ACVR2A: variants seen among roughly 807,000 people sequenced by gnomAD.
The protein encoded by ACVR2A is activin receptor type-2A.
ACVR2A carries 7 observed loss-of-function variants against 61.4 expected under a neutral mutation model. That is an observed-to-expected ratio of 0.11 (90% CI 0.06 to 0.21). ACVR2A has a LOEUF of 0.21. Among genes scored for constraint, ACVR2A ranks in the 10% least tolerant of loss-of-function variants. The probability of loss-of-function intolerance (pLI) is 1.00; values close to 1 mark genes in which losing one functional copy is unlikely to be tolerated. For synonymous variants in ACVR2A, 193 were observed against 208.3 expected (o/e 0.93, Z 0.63); for missense variants, 322 against 621.7 (o/e 0.52, Z 5.13).
In ACVR2A at chr2:147,918,005, T is replaced by C. The variant is rs566754950; in HGVS notation, c.817-442T>C. ...AAGTGGTTCTTTTACTTCTCTTATC[T>C]TGACCTAAAGGACAACAATAATCTA... On this transcript the variant is annotated intron_variant, in intron 6 of 10. Coordinates refer to ENST00000241416, the MANE Select transcript of ACVR2A (RefSeq NM_001616.5). Among the ~76,000 whole-genome samples, 6 of 152,124 alleles carry C rather than the reference T, an allele frequency of 3.9e-5. No individual in the cohort carries two copies. In the South Asian group the frequency reaches 1.0e-3, roughly 26 times the overall value.
intron 1 of ACVR2A, 149 bp downstream of exon 1, chr2:147,845,356 C>CCCCCG: frequency 7.5e-6 from 4 of 534,250 alleles, no homozygotes; most frequent in Admixed American, 3.9e-5. Context: ...CCGCCCCCCC[C>CCCCCG]CCCCGCCCCC....
At chr2:147,886,608 G>T (rs890758597) in intron 1 of ACVR2A, among the ~76,000 whole-genome samples, 2 of 152,156 alleles carry the variant, frequency 1.3e-5, no homozygotes, top group Admixed American at 1.3e-4. Flanking sequence ...ATTGATAATT[G>T]TAAAAGATTT....
rs553012692 is a variant in ACVR2A at position 147,874,527 on chromosome 2, T to C, written c.56-21774T>C. Among the ~76,000 whole-genome samples the C allele has an allele frequency of 2.6e-5, 4 of 152,060 alleles. No homozygotes were observed. In the East Asian group the frequency reaches 7.7e-4, roughly 29 times the overall value. ...CTTGATTATTTCTCAAACTGTGGTGTGAGGACCTCCGGCATTAGAATCACT... is the reference window on the plus strand; with the variant it reads ...CTTGATTATTTCTCAAACTGTGGTGCGAGGACCTCCGGCATTAGAATCACT... On this transcript the variant is annotated intron_variant, in intron 1 of 10. Coordinates refer to ENST00000241416, the MANE Select transcript of ACVR2A (RefSeq NM_001616.5).
At chr2:147,923,761 C>T (rs1007171413) in intron 9 of ACVR2A, among the ~76,000 whole-genome samples, 1 of 152,048 alleles carries the variant, frequency 6.6e-6, no homozygotes, top group African/African-American at 2.4e-5. Context: ...ATAAGGCAAA[C>T]TTGCCGACTG....
intron 1 of ACVR2A, among the ~76,000 whole-genome samples, chr2:147,861,817 G>T (rs991240427): frequency 1.3e-5 from 2 of 152,138 alleles, no homozygotes; most frequent in African/African-American, 4.8e-5. Flanking sequence ...TGGTGTGAAT[G>T]TGTGAGGGGA....
At chr2:147,846,431 C>T (rs1355811433) in intron 1 of ACVR2A, among the ~76,000 whole-genome samples, 1 of 151,446 alleles carries the variant, frequency 6.6e-6, no homozygotes, top group African/African-American at 2.4e-5. Flanking sequence ...CCCCACCCCC[C>T]TTTAAATATA....
chr2:147,899,465 T>A lies in ACVR2A; in HGVS notation c.271T>A (p.Cys91Ser), dbSNP rs1415374116. The A allele has an allele frequency of 6.2e-7, 1 of 1,610,170 alleles. No homozygotes were observed. Reference sequence around the variant, plus strand: ...TTCTCTGCTTATTTATAGGACTGATTGTGTAGAAAAAAAAGACAGCCCTGA... The same window carrying A: ...TTCTCTGCTTATTTATAGGACTGATAGTGTAGAAAAAAAAGACAGCCCTGA... ...DDINCYDRTD[C>S]VEKKDSPEVY... Residue 91 changes from cysteine (C) to serine (S), a missense_variant, in exon 3 of 11, where the codon TGT becomes AGT. By Grantham distance (112) the Cys-to-Ser change is moderately radical (BLOSUM62 -1). Around this residue, in one of 3 missense-constraint regions of ACVR2A, gnomAD observed 142 missense variants for 200.3 expected, o/e 0.71. Coordinates refer to ENST00000241416, the MANE Select transcript of ACVR2A (RefSeq NM_001616.5).
chr2:147,863,244 A>G (rs1352934439), intron 1 of ACVR2A, among the ~76,000 whole-genome samples: 1 of 152,096 alleles, frequency 6.6e-6, no homozygotes, highest in Non-Finnish European at 1.5e-5. Context: ...TGTTGCCAGC[A>G]CCCCTTGAAA....
chr2:147,877,522 G>C (rs1006593058), intron 1 of ACVR2A: 1 of 152,114 alleles, frequency 6.6e-6, no homozygotes, highest in Non-Finnish European at 1.5e-5. Flanking sequence ...AAGAACATAA[G>C]CAAAGAAAGA....
rs747684565 is a variant in ACVR2A, at chr2:147,845,224, C to T, written c.55+17C>T. 1 of 1,609,962 alleles carries T rather than the reference C, an allele frequency of 6.2e-7. No individual in the cohort carries two copies. Among genetic ancestry groups the T allele is most frequent in the East Asian group, 2.2e-5 (1 of 44,642 alleles). On this transcript the variant is annotated intron_variant, in intron 1 of 10. Transcript: ENST00000241416. ...GTTCTTCAGGTAGGTGCAGGGAGCG[C>T]GGCGCGGTGGGGCTGCTCCTGCGGC...
At chr2:147,869,164 C>T (rs964024640) in intron 1 of ACVR2A, among the ~76,000 whole-genome samples, 2 of 151,964 alleles carry the variant, frequency 1.3e-5, no homozygotes, top group African/African-American at 4.8e-5. Context: ...AGAAAATATT[C>T]TGATACCTAC....
chr2:147,893,223 G>A (rs1024322080), intron 1 of ACVR2A, among the ~76,000 whole-genome samples: 4 of 152,060 alleles, frequency 2.6e-5, no homozygotes, highest in African/African-American at 9.7e-5. Context: ...CCATTTTGTT[G>A]TAGGTATCAC....
chr2:147,871,867 T>G (rs1183011663), intron 1 of ACVR2A, among the ~76,000 whole-genome samples: 1 of 152,126 alleles, frequency 6.6e-6, no homozygotes, highest in Non-Finnish European at 1.5e-5. Flanking sequence ...GCTCATTCTC[T>G]TCTCTTGTTT....
At chr2:147,870,593 G>A (rs1424943) in intron 1 of ACVR2A, among the ~76,000 whole-genome samples, 145,857 of 152,216 alleles carry the variant, frequency 0.96, 70,192 homozygotes, top group East Asian at 1. Flanking sequence ...TTGGTAACCT[G>A]TAAAGTCAGT....
chr2:147,881,939 A>G (rs1013305408), intron 1 of ACVR2A, among the ~76,000 whole-genome samples: 1 of 152,106 alleles, frequency 6.6e-6, no homozygotes, highest in Non-Finnish European at 1.5e-5. Context: ...GTTGAACTGG[A>G]TCTACAATTT....
At chr2:147,925,244 G>C (rs1026303068) in intron 9 of ACVR2A, among the ~76,000 whole-genome samples, 1 of 151,908 alleles carries the variant, frequency 6.6e-6, no homozygotes, top group Admixed American at 6.6e-5. Context: ...TAACTTTTCT[G>C]AGCTTCTTAT....
chr2:147,911,060 T>A (rs866508036), intron 4 of ACVR2A, among the ~76,000 whole-genome samples: 48 of 152,260 alleles, frequency 3.2e-4, no homozygotes, highest in Middle Eastern at 6.8e-3. Context: ...TATCAGAAAG[T>A]CTGAGAAACT....
chr2:147,908,845 A>T (rs1687050583), intron 4 of ACVR2A, among the ~76,000 whole-genome samples: 1 of 152,150 alleles, frequency 6.6e-6, no homozygotes, highest in South Asian at 2.1e-4. Context: ...CTCTCTCTAG[A>T]TACAGAGATA....
chr2:147,893,585 G>T (rs986956050), intron 1 of ACVR2A, among the ~76,000 whole-genome samples: 1 of 152,110 alleles, frequency 6.6e-6, no homozygotes, highest in African/African-American at 2.4e-5. Context: ...TCTAATTAGT[G>T]TTAGTATTTC....
Sources: allele counts gnomAD v4.1 joint callset (sites outside exome capture counted in the v4.1 genomes callset), GRCh38; gene constraint gnomAD v4.1.1; regional missense constraint gnomAD v4.1.1; transcripts MANE v1.5; gene names NCBI Gene and HGNC (gene_info 2026-07-23, HGNC 2026-07-21).